CSGALNACT1: variants seen among roughly 807,000 people sequenced by gnomAD.
The protein encoded by CSGALNACT1 is chondroitin sulfate N-acetylgalactosaminyltransferase 1, also known as beta4GalNAcT-1.
Under a neutral mutation model 51.0 loss-of-function variants are expected in CSGALNACT1, and 52 were observed. That is an observed-to-expected ratio of 1.02 (90% confidence interval 0.82 to 1.29). The LOEUF (loss-of-function observed/expected upper bound fraction) is 1.29, where lower values mean the gene tolerates loss of function less well. Ranked by LOEUF, CSGALNACT1 falls within the 50% of genes most tolerant of loss-of-function variation. The pLI is 0.00. For missense variants in CSGALNACT1, 935 were observed against 679.2 expected (o/e 1.38, Z -4.19); for synonymous variants, 341 against 254.4 (o/e 1.34, Z -3.24).
chr8:19,684,579 C>A (rs1320252829), upstream of CSGALNACT1, among the ~76,000 whole-genome samples: 1 of 152,252 alleles, frequency 6.6e-6, no homozygotes, highest in East Asian at 1.9e-4. Context: ...CCTCCTCACT[C>A]CCCTGGGACC....
intron 3 of CSGALNACT1, among the ~76,000 whole-genome samples, chr8:19,550,907 C>G (rs577370899): frequency 1.3e-5 from 2 of 152,266 alleles, no homozygotes; most frequent in South Asian, 2.1e-4. Flanking sequence ...TCTACTGTTT[C>G]CAAGTCCAAG....
intron 1 of CSGALNACT1, among the ~76,000 whole-genome samples, chr8:19,745,975 G>A (rs2064635038): frequency 6.6e-6 from 1 of 152,122 alleles, no homozygotes; most frequent in African/African-American, 2.4e-5. Context: ...TGGATGAATG[G>A]TCTGGGGTTT....
chr8:19,740,751 G>C (rs2064261683), intron 1 of CSGALNACT1, among the ~76,000 whole-genome samples: 1 of 152,158 alleles, frequency 6.6e-6, no homozygotes, highest in African/African-American at 2.4e-5. Flanking sequence ...ATTTGAAAAA[G>C]CAGTTACCCC....
chr8:19,485,208 G>A (rs930128686), intron 4 of CSGALNACT1, among the ~76,000 whole-genome samples: 4 of 151,958 alleles, frequency 2.6e-5, no homozygotes, highest in Non-Finnish European at 5.9e-5. Context: ...CCCATCCAGC[G>A]TCTTCCCATC....
chr8:19,446,444 G>A (rs2062131758), intron 5 of CSGALNACT1, among the ~76,000 whole-genome samples: 1 of 152,022 alleles, frequency 6.6e-6, no homozygotes, highest in Non-Finnish European at 1.5e-5. Flanking sequence ...CTCCGTGCAC[G>A]AGCTCCCCAT....
chr8:19,433,942 G>A (rs2060002861), intron 6 of CSGALNACT1, among the ~76,000 whole-genome samples: 1 of 152,124 alleles, frequency 6.6e-6, no homozygotes. Flanking sequence ...TGGCTGCCAG[G>A]CTGTGGTGAT....
exon 7 of CSGALNACT1, chr8:19,420,513 G>T: frequency 6.2e-7 from 1 of 1,613,846 alleles, no homozygotes; most frequent in Non-Finnish European, 8.5e-7. Context: ...CCTGAAGTTG[G>T]CAGCTCTGAA....
At chr8:19,628,758 T>C (rs1377691353) in intron 1 of CSGALNACT1, among the ~76,000 whole-genome samples, 2 of 151,836 alleles carry the variant, frequency 1.3e-5, no homozygotes, top group Admixed American at 6.6e-5. Flanking sequence ...TGGGATTACA[T>C]GCATGACCAC....
intron 8 of CSGALNACT1, 114 bp from the exon 8 acceptor site, chr8:19,408,808 C>T: frequency 1.1e-6 from 1 of 878,556 alleles, no homozygotes; most frequent in Non-Finnish European, 1.9e-6. Flanking sequence ...CACTGATAAA[C>T]AGCCTCCACT....
At chr8:19,686,764 G>C (rs1023952064), upstream of CSGALNACT1, among the ~76,000 whole-genome samples, 1 of 152,142 alleles carries the variant, frequency 6.6e-6, no homozygotes, top group Non-Finnish European at 1.5e-5. Flanking sequence ...CCTCAGAAGG[G>C]AACATTCAGA....
chr8:19,411,501 CAG>C (rs1255240871), intron 8 of CSGALNACT1, among the ~76,000 whole-genome samples: 3 of 152,212 alleles, frequency 2.0e-5, no homozygotes, highest in Non-Finnish European at 4.4e-5. Context: ...CCAGTGGAAA[CAG>C]ACACGTTGCA....
At chr8:19,466,121 G>A (rs1025905956) in intron 4 of CSGALNACT1, among the ~76,000 whole-genome samples, 5 of 152,108 alleles carry the variant, frequency 3.3e-5, no homozygotes, top group Non-Finnish European at 7.4e-5. Flanking sequence ...GGTAAATTTT[G>A]AAAGGGGGGA....
In CSGALNACT1 at chr8:19,537,807, T is replaced by C. The variant is rs1045361299; in HGVS notation, c.-296-31677A>G. 3.9e-5 allele frequency among the ~76,000 whole-genome samples: 6 copies of C among 152,164 alleles called. No individual in the cohort carries two copies. The East Asian group carries it at 5.8e-4, about 15-fold the overall frequency. ...CTTTTAAAACTTTTAGGAAAAAACA[T>C]AGGACAAAATCTTTGAGATCTAAGA... is the stretch of plus-strand genomic sequence containing the variant. On this transcript the variant is annotated intron_variant, in intron 3 of 9. Coordinates refer to ENST00000454498, the Ensembl canonical transcript of CSGALNACT1.
intron 3 of CSGALNACT1, chr8:19,585,450 G>C (rs1006664142): frequency 3.9e-5 from 6 of 152,222 alleles, no homozygotes; most frequent in African/African-American, 1.4e-4. Context: ...AGCTACCTGA[G>C]CATTTTCCAC....
intron 1 of CSGALNACT1, among the ~76,000 whole-genome samples, chr8:19,752,566 A>G (rs192944082): frequency 1.2e-4 from 18 of 152,348 alleles, no homozygotes; most frequent in African/African-American, 4.3e-4. Context: ...AACAGAATAG[A>G]TGAACATACC....
chr8:19,701,431 GGTGTGA>G, intron 1 of CSGALNACT1, among the ~76,000 whole-genome samples: 1 of 152,240 alleles, frequency 6.6e-6, no homozygotes, highest in South Asian at 2.1e-4. Flanking sequence ...TAGGATTACA[GGTGTGA>G]GCCACTGCAC....
intron 1 of CSGALNACT1, among the ~76,000 whole-genome samples, chr8:19,736,099 A>G (rs1372630068): frequency 1.3e-5 from 2 of 152,234 alleles, no homozygotes; most frequent in Admixed American, 6.5e-5. Context: ...ACAACAAACT[A>G]AAGAGATGTA....
chr8:19,449,584 C>G (rs972203514), intron 5 of CSGALNACT1, among the ~76,000 whole-genome samples: 2 of 152,090 alleles, frequency 1.3e-5, no homozygotes, highest in Admixed American at 6.5e-5. Context: ...TCAGAACCAC[C>G]TTAATGGTTC....
At chr8:19,520,923 C>A (rs1337993266) in intron 3 of CSGALNACT1, among the ~76,000 whole-genome samples, 1 of 152,176 alleles carries the variant, frequency 6.6e-6, no homozygotes, top group African/African-American at 2.4e-5. Flanking sequence ...CTCTTAAGCA[C>A]CATGCCACAT....
Sources: allele counts gnomAD v4.1 joint callset (sites outside exome capture counted in the v4.1 genomes callset), GRCh38; gene constraint gnomAD v4.1.1; transcripts MANE v1.5; gene names NCBI Gene and HGNC (gene_info 2026-07-23, HGNC 2026-07-21).